The following HMG20A variants were observed in gnomAD, a reference collection of about 807,000 sequenced individuals.
HMG20A encodes high mobility group protein 20A.
A neutral mutation model predicts 43.9 loss-of-function variants in HMG20A; 17 were observed. The observed-to-expected ratio is 0.39, with a 90% confidence interval of 0.27 to 0.58. HMG20A has a LOEUF of 0.58. HMG20A is among the 20% of genes least tolerant of loss of function. The probability of loss-of-function intolerance (pLI) is 0.59; values close to 1 mark genes in which losing one functional copy is unlikely to be tolerated. For synonymous variants in HMG20A, 132 were observed against 147.5 expected, an observed-to-expected ratio of 0.89 and a Z score of 0.76; for missense variants, 341 against 438.2, an observed-to-expected ratio of 0.78 and a Z score of 1.98.
chr15:77,500,543 T>C, the HMG20A span, among the ~76,000 whole-genome samples: 8 of 148,858 alleles, frequency 5.4e-5, no homozygotes, highest in Non-Finnish European at 1.0e-4. Flanking sequence ...CCACTCGCTG[T>C]TCCCCAAACC....
At chr15:77,508,305 T>C in the HMG20A span, among the ~76,000 whole-genome samples, 1 of 152,152 alleles carries the variant, frequency 6.6e-6, no homozygotes, top group African/African-American at 2.4e-5. Flanking sequence ...CGGGTTCTGC[T>C]GTCAGAGCAG....
intron 9 of HMG20A, among the ~76,000 whole-genome samples, chr15:77,481,856 G>A (rs763319443): frequency 3.5e-4 from 54 of 152,276 alleles, no homozygotes; most frequent in Admixed American, 1.4e-3. Context: ...ATACAAATAT[G>A]TACAGACAGC....
chr15:77,441,354 A>T (rs1476032145), intron 1 of HMG20A, among the ~76,000 whole-genome samples: 1 of 152,244 alleles, frequency 6.6e-6, no homozygotes, highest in African/African-American at 2.4e-5. Flanking sequence ...GTTTGTGTAC[A>T]TATATGTTTA....
chr15:77,509,934 A>G, the HMG20A span, among the ~76,000 whole-genome samples: 1 of 151,390 alleles, frequency 6.6e-6, no homozygotes, highest in Non-Finnish European at 1.5e-5. Context: ...CCCAAATTAT[A>G]TATGTTTCAG....
At chr15:77,476,876 A>G (rs1488708808) in intron 6 of HMG20A, among the ~76,000 whole-genome samples, 3 of 152,104 alleles carry the variant, frequency 2.0e-5, no homozygotes, top group Non-Finnish European at 4.4e-5. Flanking sequence ...TTATTGGTGA[A>G]TTAATTTTAG....
At chr15:77,473,713 T>G (rs2072830412) in intron 6 of HMG20A, among the ~76,000 whole-genome samples, 1 of 152,272 alleles carries the variant, frequency 6.6e-6, no homozygotes, top group Non-Finnish European at 1.5e-5. Context: ...TATGAATTTC[T>G]GTAATTTCTG....
chr15:77,422,216 C>T (rs1489874705), intron 1 of HMG20A, among the ~76,000 whole-genome samples: 1 of 152,132 alleles, frequency 6.6e-6, no homozygotes, highest in African/African-American at 2.4e-5. Flanking sequence ...ATCAGTGAAC[C>T]TAGAACTGTA....
downstream of HMG20A, among the ~76,000 whole-genome samples, chr15:77,486,776 A>C (rs1354713451): frequency 6.6e-6 from 1 of 152,116 alleles, no homozygotes; most frequent in Non-Finnish European, 1.5e-5. Flanking sequence ...ATCCTGTACT[A>C]TTGTAAGAAG....
intron 2 of HMG20A, among the ~76,000 whole-genome samples, chr15:77,463,519 T>C (rs1369758570): frequency 6.6e-6 from 1 of 152,204 alleles, no homozygotes; most frequent in Admixed American, 6.5e-5. Flanking sequence ...GTGTTACCTT[T>C]CCTTCTATTC....
downstream of HMG20A, among the ~76,000 whole-genome samples, chr15:77,489,422 G>C (rs772855444): frequency 1.3e-5 from 2 of 152,198 alleles, no homozygotes; most frequent in African/African-American, 2.4e-5. Flanking sequence ...TACTGTCTTA[G>C]AGATAACTAA....
At chr15:77,493,760 CACCT>C in the HMG20A span, among the ~76,000 whole-genome samples, 1 of 152,136 alleles carries the variant, frequency 6.6e-6, no homozygotes, top group Admixed American at 6.6e-5. Context: ...AGGGAGAGAG[CACCT>C]ACAGTGATCT....
chr15:77,452,381 T>G (rs2072610985), intron 1 of HMG20A, among the ~76,000 whole-genome samples: 2 of 152,198 alleles, frequency 1.3e-5, no homozygotes, highest in Admixed American at 1.3e-4. Context: ...GATGGGTGTT[T>G]AGTACAGAAT....
chr15:77,477,333 C>T (rs2072865482), intron 6 of HMG20A, among the ~76,000 whole-genome samples: 1 of 152,206 alleles, frequency 6.6e-6, no homozygotes, highest in African/African-American at 2.4e-5. Flanking sequence ...TCTAATTGCA[C>T]AGTAGTTGTA....
At chr15:77,477,457 A>G (rs943468930) in intron 6 of HMG20A, 98 bp from the exon 7 acceptor site, 11 of 853,042 alleles carry the variant, frequency 1.3e-5, no homozygotes, top group African/African-American at 3.4e-5. Flanking sequence ...TGCTCACCCT[A>G]TTCTTTCTTT....
At chr15:77,447,556 T>C (rs2073688145) in intron 1 of HMG20A, among the ~76,000 whole-genome samples, 1 of 152,232 alleles carries the variant, frequency 6.6e-6, no homozygotes. Flanking sequence ...CTAGTACTTC[T>C]GTGGTTTTTA....
In HMG20A at chr15:77,471,804, A is replaced by G. The variant is rs2072811592; in HGVS notation, c.605A>G (p.His202Arg). ...TTAGATGCAGCCCGGCAGGCCACTCATGATCATGAGGTAATTAGCCATCTG... is the reference window on the plus strand; with the variant it reads ...TTAGATGCAGCCCGGCAGGCCACTCGTGATCATGAGGTAATTAGCCATCTG... Reference protein sequence around the residue: ...HRQDAARQATHDHEKETEVKE... With the variant: ...HRQDAARQATRDHEKETEVKE... Residue 202 changes from histidine to arginine, a missense_variant, in exon 6 of 10, where the codon CAT becomes CGT. By Grantham distance (29) the His-to-Arg change is conservative. Coordinates refer to ENST00000336216, the MANE Select transcript of HMG20A (RefSeq NM_001304504.2). 2.6e-6 allele frequency: 4 copies of G among 1,563,024 alleles called. No individual in the cohort carries two copies. The highest frequency in any genetic ancestry group is 3.5e-6 in the Non-Finnish European group (4 of 1,141,064).
the HMG20A span, among the ~76,000 whole-genome samples, chr15:77,494,075 A>G: frequency 6.6e-6 from 1 of 152,034 alleles, no homozygotes; most frequent in Non-Finnish European, 1.5e-5. Flanking sequence ...AACCCTACCA[A>G]CTGCAGCCAC....
At chr15:77,504,538 C>T in the HMG20A span, among the ~76,000 whole-genome samples, 740 of 152,324 alleles carry the variant, frequency 4.9e-3, 4 homozygotes, top group African/African-American at 0.017. Flanking sequence ...AGGTGCTCCC[C>T]GCTGGGGCTG....
At chr15:77,505,747 G>A in the HMG20A span, among the ~76,000 whole-genome samples, 2 of 152,232 alleles carry the variant, frequency 1.3e-5, no homozygotes, top group Non-Finnish European at 2.9e-5. Context: ...CAGGGCTGCA[G>A]GGCCGGAGGG....
Sources: gnomAD v4.1 joint callset for allele counts (sites outside exome capture counted in the v4.1 genomes callset) on GRCh38, gnomAD v4.1.1 for gene constraint, MANE v1.5 for transcripts, NCBI Gene and HGNC (gene_info 2026-07-23, HGNC 2026-07-21) for gene names.